KCNAB1: variants seen among roughly 807,000 people sequenced by gnomAD.
The protein encoded by KCNAB1 is voltage-gated potassium channel subunit beta-1.
In KCNAB1, 35 loss-of-function variants were observed where a neutral mutation model predicts 64.6. That is an observed-to-expected ratio of 0.54 (90% CI 0.41 to 0.72). The LOEUF is 0.72. Ranked by LOEUF, KCNAB1 falls within the 30% of genes least tolerant of loss-of-function variation. The probability of loss-of-function intolerance (pLI) is 0.00; values close to 1 mark genes in which losing one functional copy is unlikely to be tolerated. For synonymous variants in KCNAB1, 177 were observed against 183.8 expected (o/e 0.96, Z 0.30); for missense variants, 401 against 512.9 (o/e 0.78, Z 2.11).
rs6773597 is a variant in KCNAB1 at position 156,321,879 on chromosome 3, G to A, written c.276-99737G>A. Among the ~76,000 whole-genome samples, 83 of 152,242 alleles carry A rather than the reference G, an allele frequency of 5.5e-4. 1 individual carries two copies. The highest frequency in any genetic ancestry group is 9.7e-4 in the Non-Finnish European group (66 of 68,016). On this transcript the variant is annotated intron_variant, in intron 1 of 13. Transcript: ENST00000490337. Reference sequence around the variant, plus strand: ...ATTTAAAAGATAGATCTTAAGAGATGCATCTTACTTGTTTGTTACGTTCCA... The same window carrying A: ...ATTTAAAAGATAGATCTTAAGAGATACATCTTACTTGTTTGTTACGTTCCA...
chr3:156,279,928 T>C (rs1315051917), intron 1 of KCNAB1, among the ~76,000 whole-genome samples: 9 of 149,838 alleles, frequency 6.0e-5, no homozygotes, highest in African/African-American at 9.9e-5. Flanking sequence ...GCCTGTTCAC[T>C]CTGATGGTAG....
At chr3:156,154,445 C>T (rs113641472) in intron 1 of KCNAB1, among the ~76,000 whole-genome samples, 1 of 152,034 alleles carries the variant, frequency 6.6e-6, no homozygotes, top group Non-Finnish European at 1.5e-5. Flanking sequence ...TGTCATCCTC[C>T]GAACTATGGG....
intron 1 of KCNAB1, among the ~76,000 whole-genome samples, chr3:156,221,913 G>A (rs757961396): frequency 2.0e-5 from 3 of 151,996 alleles, no homozygotes; most frequent in East Asian, 1.9e-4. Context: ...ACTGCTAGAC[G>A]GAGCACTAAA....
At chr3:156,476,175 G>A (rs1334299026) in intron 8 of KCNAB1, among the ~76,000 whole-genome samples, 1 of 151,774 alleles carries the variant, frequency 6.6e-6, no homozygotes, top group Non-Finnish European at 1.5e-5. Context: ...ATAAGTTATT[G>A]GGGTACAGGT....
intron 1 of KCNAB1, among the ~76,000 whole-genome samples, chr3:156,159,057 AC>A (rs1471313696): frequency 6.6e-6 from 1 of 151,722 alleles, no homozygotes; most frequent in Non-Finnish European, 1.5e-5. Context: ...TGGCGAGGCA[AC>A]CTACATATGT....
chr3:156,416,797 CT>C (rs1715109542), intron 1 of KCNAB1, among the ~76,000 whole-genome samples: 1 of 152,118 alleles, frequency 6.6e-6, no homozygotes, highest in Non-Finnish European at 1.5e-5. Context: ...CTTCTCTAGA[CT>C]TTTCTAGAAA....
intron 2 of KCNAB1, among the ~76,000 whole-genome samples, chr3:156,436,837 G>A (rs1174383423): frequency 2.6e-5 from 4 of 152,186 alleles, no homozygotes; most frequent in Admixed American, 2.0e-4. Flanking sequence ...CAAATGGATA[G>A]ATTGCAAAAA....
intron 11 of KCNAB1, among the ~76,000 whole-genome samples, chr3:156,518,086 C>A (rs543990228): frequency 1.3e-5 from 2 of 152,226 alleles, no homozygotes; most frequent in South Asian, 4.1e-4. Context: ...AAATCTTTCA[C>A]AAATTCACTA....
intron 1 of KCNAB1, among the ~76,000 whole-genome samples, chr3:156,340,917 A>G (rs908843297): frequency 2.0e-5 from 3 of 152,048 alleles, no homozygotes; most frequent in African/African-American, 7.3e-5. Context: ...AAAGTATTAG[A>G]CTCCCTCAAG....
intron 1 of KCNAB1, among the ~76,000 whole-genome samples, chr3:156,344,410 C>T (rs1724341386): frequency 6.6e-6 from 1 of 152,216 alleles, no homozygotes; most frequent in Admixed American, 6.5e-5. Flanking sequence ...GCCTACCCCT[C>T]ACCACAGGTC....
In KCNAB1 at chr3:156,536,680, A is replaced by T. The variant is rs751211267; in HGVS notation, c.1193A>T (p.His398Leu). ...CAGGTTCTCCCAAAGATGACATCACATGTGGTAAATGAGATTGATAACATA... is the reference window on the plus strand; with the variant it reads ...CAGGTTCTCCCAAAGATGACATCACTTGTGGTAAATGAGATTGATAACATA... ...AIQVLPKMTS[H>L]VVNEIDNILR... Residue 398 changes from histidine (H) to leucine (L), a missense_variant, in exon 14 of 14, where the codon CAT becomes CTT. Coordinates refer to ENST00000490337, the MANE Select transcript of KCNAB1 (RefSeq NM_172160.3). 1 of 1,612,614 alleles carries T rather than the reference A, an allele frequency of 6.2e-7. No individual in the cohort carries two copies. Among genetic ancestry groups the T allele is most frequent in the African/African-American group, 1.3e-5 (1 of 74,928 alleles).
In KCNAB1 at chr3:156,244,381, C is replaced by T. The variant is rs114491942; in HGVS notation, c.275+123495C>T. 2.7e-3 allele frequency among the ~76,000 whole-genome samples: 417 copies of T among 152,314 alleles called. 1 individual carries two copies. Among genetic ancestry groups the T allele is most frequent in the African/African-American group, 9.6e-3 (399 of 41,572 alleles). On this transcript the variant is annotated intron_variant, in intron 1 of 13. Coordinates refer to ENST00000490337, the MANE Select transcript of KCNAB1 (RefSeq NM_172160.3). ...GGCTGTTGTGATAACATTGGGTCCA[C>T]CTAGCTAATCTGGGATTATCTCCCC...
At chr3:156,495,655 C>T (rs1431575640) in intron 8 of KCNAB1, among the ~76,000 whole-genome samples, 1 of 152,178 alleles carries the variant, frequency 6.6e-6, no homozygotes, top group East Asian at 1.9e-4. Flanking sequence ...TAACCTTGAA[C>T]AATTTACCCA....
intron 1 of KCNAB1, among the ~76,000 whole-genome samples, chr3:156,196,246 G>A (rs1713928095): frequency 6.6e-6 from 1 of 152,170 alleles, no homozygotes; most frequent in Non-Finnish European, 1.5e-5. Flanking sequence ...GTAGCATGAT[G>A]CCTCCAGCTT....
At chr3:156,486,127 G>A (rs1001051721) in intron 8 of KCNAB1, among the ~76,000 whole-genome samples, 1 of 152,030 alleles carries the variant, frequency 6.6e-6, no homozygotes, top group African/African-American at 2.4e-5. Context: ...GAGACTATGT[G>A]AATAGCCTGT....
At chr3:156,329,127 T>G (rs552057459) in intron 1 of KCNAB1, among the ~76,000 whole-genome samples, 197 of 152,274 alleles carry the variant, frequency 1.3e-3, no homozygotes, top group Middle Eastern at 0.01. Flanking sequence ...ATCTCTAATA[T>G]CTTCAGGGTG....
intron 1 of KCNAB1, among the ~76,000 whole-genome samples, chr3:156,265,716 C>G: frequency 6.6e-6 from 1 of 152,252 alleles, no homozygotes; most frequent in Non-Finnish European, 1.5e-5. Flanking sequence ...CCTGTGAGGC[C>G]GGGTGCAGTG....
chr3:156,149,234 G>C (rs947232161), intron 1 of KCNAB1, among the ~76,000 whole-genome samples: 4 of 152,000 alleles, frequency 2.6e-5, no homozygotes, highest in Non-Finnish European at 4.4e-5. Flanking sequence ...TAAGCTACTA[G>C]ATGGTAGACC....
chr3:156,206,211 C>A (rs777071527), intron 1 of KCNAB1, among the ~76,000 whole-genome samples: 17 of 152,164 alleles, frequency 1.1e-4, no homozygotes, highest in Non-Finnish European at 2.2e-4. Context: ...GTCTCTCCTC[C>A]ATTGTCAGGT....
Sources: allele counts gnomAD v4.1 joint callset (sites outside exome capture counted in the v4.1 genomes callset), GRCh38; gene constraint gnomAD v4.1.1; transcripts MANE v1.5; gene names NCBI Gene and HGNC (gene_info 2026-07-23, HGNC 2026-07-21).